The following UGGT2 variants were observed in gnomAD, a reference collection of about 807,000 sequenced individuals.
UGGT2 encodes UDP-glucose glycoprotein glucosyltransferase 2.
A neutral mutation model predicts 192.1 loss-of-function variants in UGGT2; 180 were observed. That is an observed-to-expected ratio of 0.94 (90% CI 0.83 to 1.06). UGGT2 has a LOEUF of 1.06. Ranked by LOEUF, UGGT2 falls within the 50% of genes least tolerant of loss-of-function variation. UGGT2 has a pLI of 0.00. For synonymous variants in UGGT2, 580 were observed against 591.0 expected, an observed-to-expected ratio of 0.98 and a Z score of 0.27; for missense variants, 1,849 against 1,795.7, an observed-to-expected ratio of 1.03 and a Z score of -0.54.
chr13:95,940,159 C>A, intron 15 of UGGT2, 68 bp from the exon 16 acceptor site: 1 of 1,217,732 alleles, frequency 8.2e-7, no homozygotes, highest in Non-Finnish European at 1.1e-6. Flanking sequence ...TTTTCCTTAG[C>A]ATGCAGATAG....
intron 36 of UGGT2, among the ~76,000 whole-genome samples, chr13:95,840,846 A>C (rs994052584): frequency 1.3e-5 from 2 of 152,228 alleles, no homozygotes; most frequent in Admixed American, 1.3e-4. Context: ...TGTGGCAGAC[A>C]TATACCATGG....
intron 32 of UGGT2, chr13:95,859,960 T>C (rs1366548461): frequency 4.9e-6 from 1 of 203,780 alleles, no homozygotes; most frequent in African/African-American, 2.3e-5. Flanking sequence ...ATATACATCA[T>C]GGTAGCTTCA....
At chr13:95,983,553 T>C (rs1296017403) in intron 10 of UGGT2, 3 of 565,356 alleles carry the variant, frequency 5.3e-6, no homozygotes, top group Non-Finnish European at 1.0e-5. Flanking sequence ...TTCTTTATCC[T>C]ATGAAGAAAA....
chr13:95,809,299 A>G, intron 38 of UGGT2: 1 of 511,170 alleles, frequency 2.0e-6, no homozygotes, highest in Admixed American at 2.0e-5. Flanking sequence ...GACATGGTAT[A>G]GGATATTAAT....
chr13:95,885,861 T>A (rs1047514693), intron 26 of UGGT2, among the ~76,000 whole-genome samples: 1 of 152,042 alleles, frequency 6.6e-6, no homozygotes, highest in Non-Finnish European at 1.5e-5. Flanking sequence ...AAAGAGAAAC[T>A]GCAGTGGAAG....
At chr13:95,894,741 T>C in intron 23 of UGGT2, 84 bp from the exon 24 acceptor site, 1 of 1,140,380 alleles carries the variant, frequency 8.8e-7, no homozygotes, top group Non-Finnish European at 1.3e-6. Flanking sequence ...AAGAAAGGTT[T>C]TATATATCTG....
At chr13:96,030,713 T>C (rs543234038) in intron 2 of UGGT2, among the ~76,000 whole-genome samples, 1 of 152,318 alleles carries the variant, frequency 6.6e-6, no homozygotes. Flanking sequence ...AAGATTTTAC[T>C]CTTAAGGGAT....
intron 1 of UGGT2, among the ~76,000 whole-genome samples, chr13:96,033,838 C>A (rs1229531339): frequency 1.3e-5 from 2 of 152,170 alleles, no homozygotes; most frequent in Non-Finnish European, 2.9e-5. Context: ...TTGGCACAGG[C>A]CTGAAAGGTG....
At chr13:95,868,274 C>CAGA (rs1158335035) in intron 29 of UGGT2, among the ~76,000 whole-genome samples, 1 of 152,086 alleles carries the variant, frequency 6.6e-6, no homozygotes, top group Non-Finnish European at 1.5e-5. Context: ...ATGTAGCAGG[C>CAGA]AGAACTCTGT....
chr13:95,911,809 C>G (rs537771561), intron 20 of UGGT2, among the ~76,000 whole-genome samples: 67 of 152,252 alleles, frequency 4.4e-4, no homozygotes, highest in Admixed American at 9.8e-4. Flanking sequence ...ACCAATATCC[C>G]TGATGAACAT....
chr13:95,832,936 GCTT>G lies in UGGT2; in HGVS notation c.4516_4518del (p.Lys1506del), dbSNP rs777763112. 1.9e-6 allele frequency: 3 copies of G among 1,612,114 alleles called. No individual in the cohort carries two copies. The highest frequency in any genetic ancestry group is 2.7e-5 in the African/African-American group (2 of 74,822). On this transcript the variant is annotated inframe_deletion, in exon 38 of 39. Coordinates refer to ENST00000376747, the MANE Select transcript of UGGT2 (RefSeq NM_020121.4). ...CACGTTGATGACTTACTTGTATCTT[GCTT>G]CTTGTTTTCAAGATGATCTAATAGT...
chr13:96,015,521 T>C (rs767181671), intron 4 of UGGT2, among the ~76,000 whole-genome samples: 2 of 152,114 alleles, frequency 1.3e-5, no homozygotes, highest in Non-Finnish European at 2.9e-5. Flanking sequence ...GGATATATCA[T>C]AGGTAGAAAA....
At chr13:95,896,201 T>G (rs1028280859) in intron 22 of UGGT2, among the ~76,000 whole-genome samples, 3 of 152,034 alleles carry the variant, frequency 2.0e-5, no homozygotes, top group African/African-American at 7.2e-5. Context: ...TAGCCAGATT[T>G]TCTCACTTCC....
intron 27 of UGGT2, among the ~76,000 whole-genome samples, chr13:95,883,213 G>A (rs574441394): frequency 6.6e-6 from 1 of 151,970 alleles, no homozygotes; most frequent in Non-Finnish European, 1.5e-5. Context: ...AAATCTTTAG[G>A]CAAAAGATAA....
intron 36 of UGGT2, among the ~76,000 whole-genome samples, chr13:95,850,855 G>C (rs184588108): frequency 2.0e-5 from 3 of 152,324 alleles, no homozygotes; most frequent in Non-Finnish European, 2.9e-5. Context: ...GTTATCTACT[G>C]ACAAAGGATT....
chr13:96,021,829 G>A (rs368033166), intron 4 of UGGT2, among the ~76,000 whole-genome samples: 1 of 152,112 alleles, frequency 6.6e-6, no homozygotes, highest in Non-Finnish European at 1.5e-5. Flanking sequence ...TGTGAACAGA[G>A]AAACATGCCA....
chr13:95,905,983 A>C (rs2048278695), intron 20 of UGGT2, among the ~76,000 whole-genome samples: 1 of 152,176 alleles, frequency 6.6e-6, no homozygotes, highest in Non-Finnish European at 1.5e-5. Context: ...GCATGGCTCT[A>C]CTTCTGGGTT....
At chr13:95,801,959 C>A in intron 38 of UGGT2, 147 bp from the exon 39 acceptor site, 1 of 812,780 alleles carries the variant, frequency 1.2e-6, no homozygotes, top group South Asian at 1.8e-5. Flanking sequence ...TTACGCAACA[C>A]GAGAATAGCT....
At chr13:95,812,086 T>C (rs1462814524) in intron 38 of UGGT2, among the ~76,000 whole-genome samples, 5 of 149,384 alleles carry the variant, frequency 3.3e-5, no homozygotes, top group African/African-American at 1.3e-4. Context: ...ATAATAAATA[T>C]TTTTAGTTGT....
Sources: allele counts gnomAD v4.1 joint callset (sites outside exome capture counted in the v4.1 genomes callset), GRCh38; gene constraint gnomAD v4.1.1; transcripts MANE v1.5; gene names NCBI Gene and HGNC (gene_info 2026-07-23, HGNC 2026-07-21).